The following GRM8 variants were observed in gnomAD, a reference collection of about 807,000 sequenced individuals.
GRM8 encodes glutamate metabotropic receptor 8.
In GRM8, 47 loss-of-function variants were observed where a neutral mutation model predicts 87.2. That is an observed-to-expected ratio of 0.54 (90% confidence interval 0.43 to 0.69). The LOEUF is 0.69. GRM8 is among the 30% of genes least tolerant of loss of function. The pLI is 0.00. For missense variants in GRM8, 1,019 were observed against 1,139.2 expected (o/e 0.89, Z 1.52); for synonymous variants, 396 against 404.5 (o/e 0.98, Z 0.25).
chr7:127,015,058 GAA>G (rs1815362313), intron 3 of GRM8, among the ~76,000 whole-genome samples: 2 of 108,372 alleles, frequency 1.8e-5, no homozygotes, highest in Non-Finnish European at 4.2e-5. Flanking sequence ...AGAAGAAGAA[GAA>G]GAAGAAGAAA....
chr7:126,614,853 T>G (rs1799290404), intron 7 of GRM8, among the ~76,000 whole-genome samples: 3 of 152,144 alleles, frequency 2.0e-5, no homozygotes, highest in Admixed American at 2.0e-4. Context: ...GAACAAAGCC[T>G]CTAAGAAATA....
chr7:126,760,649 G>A (rs1817495340), intron 7 of GRM8, among the ~76,000 whole-genome samples: 1 of 152,038 alleles, frequency 6.6e-6, no homozygotes, highest in African/African-American at 2.4e-5. Flanking sequence ...CAGTAATATT[G>A]ATTATATAGC....
At chr7:126,931,892 G>A (rs1266026482) in intron 3 of GRM8, among the ~76,000 whole-genome samples, 2 of 152,164 alleles carry the variant, frequency 1.3e-5, no homozygotes, top group Non-Finnish European at 2.9e-5. Flanking sequence ...GTTGCTTTGA[G>A]AGCATCACAC....
intron 3 of GRM8, among the ~76,000 whole-genome samples, chr7:127,001,704 G>A (rs1813742841): frequency 6.6e-6 from 1 of 151,358 alleles, no homozygotes; most frequent in Non-Finnish European, 1.5e-5. Context: ...ACAATTCCAA[G>A]AGTAATAATC....
In GRM8 at chr7:126,533,543, G is replaced by A. The variant is rs766635867; in HGVS notation, c.1839C>T (p.Ile613=). Residue 613 remains isoleucine (I), a synonymous_variant, in exon 9 of 11, where the codon ATC becomes ATT. Transcript: ENST00000339582. Reference sequence around the variant, plus strand: ...TAAGTTCGCGTCCTGAAGCCCTCACGATAGGTGTGTCATTATAGCGGACAA... The same window carrying A: ...TAAGTTCGCGTCCTGAAGCCCTCACAATAGGTGTGTCATTATAGCGGACAA... ...VTFVRYNDTP[I]VRASGRELSY... 1.1e-5 allele frequency: 17 copies of A among 1,614,074 alleles called. No homozygotes were observed. In the South Asian group the frequency reaches 1.1e-4, roughly 10 times the overall value.
chr7:126,774,594 A>G (rs1819216565), intron 6 of GRM8, among the ~76,000 whole-genome samples: 1 of 152,152 alleles, frequency 6.6e-6, no homozygotes, highest in African/African-American at 2.4e-5. Context: ...AATGAAATCT[A>G]AATCTTGTGA....
At chr7:127,025,823 A>G (rs1451020992) in intron 3 of GRM8, among the ~76,000 whole-genome samples, 5 of 151,978 alleles carry the variant, frequency 3.3e-5, no homozygotes, top group African/African-American at 1.2e-4. Context: ...AGCTACTTTA[A>G]TTTAACAATT....
At chr7:126,763,671 A>ATGTCTATTCTGGTATTAG (rs1366859790) in intron 7 of GRM8, among the ~76,000 whole-genome samples, 19 of 151,892 alleles carry the variant, frequency 1.3e-4, no homozygotes, top group South Asian at 2.1e-4. Context: ...GTAGTTTAAC[A>ATGTCTATTCTGGTATTAG]TTATGCTTAA....
chr7:127,043,213 C>G (rs1465875314), intron 3 of GRM8, among the ~76,000 whole-genome samples: 1 of 152,178 alleles, frequency 6.6e-6, no homozygotes, highest in East Asian at 1.9e-4. Flanking sequence ...GTGGTGATTC[C>G]TCAGGGATCT....
intron 10 of GRM8, among the ~76,000 whole-genome samples, chr7:126,440,778 G>T (rs947994303): frequency 6.6e-6 from 1 of 151,990 alleles, no homozygotes; most frequent in Non-Finnish European, 1.5e-5. Context: ...TTTGCGCAAA[G>T]ACAAAATTGC....
At chr7:126,822,141 T>C (rs1794351472) in intron 6 of GRM8, among the ~76,000 whole-genome samples, 1 of 152,296 alleles carries the variant, frequency 6.6e-6, no homozygotes, top group Non-Finnish European at 1.5e-5. Context: ...GGAAAGTGTT[T>C]TGTAAGAATT....
intron 9 of GRM8, among the ~76,000 whole-genome samples, chr7:126,504,846 C>G (rs1000143782): frequency 6.6e-6 from 1 of 152,000 alleles, no homozygotes; most frequent in African/African-American, 2.4e-5. Flanking sequence ...CCAAATTTTA[C>G]AACAGTGCTC....
intron 2 of GRM8, among the ~76,000 whole-genome samples, chr7:127,227,366 T>C (rs902550546): frequency 3.3e-5 from 5 of 152,228 alleles, no homozygotes; most frequent in Non-Finnish European, 7.3e-5. Flanking sequence ...AATAATATCA[T>C]ACACACCCTG....
Position 127,015,061 on chromosome 7 carries a change from GAAGAA to G in GRM8, c.727+91430_727+91434del, listed in dbSNP as rs1563413427. Among the ~76,000 whole-genome samples, 12 of 98,408 alleles carry G rather than the reference GAAGAA, an allele frequency of 1.2e-4. 1 individual carries two copies. The highest frequency in any genetic ancestry group is 4.1e-4 in the African/African-American group (12 of 29,308). The allele number at this position is 98,408 out of a possible 152,430, so 64.6% of individuals were successfully genotyped here. On this transcript the variant is annotated intron_variant, in intron 3 of 10. Transcript: ENST00000339582. The stretch of plus-strand genomic sequence containing the variant: ...AGAAGAAGAAGAAGAAGAAGAAGAA[GAAGAA>G]GAAAGAAAGAAGGAGAAGAAGGAGA...
At chr7:126,742,378 G>A (rs1210747665) in intron 7 of GRM8, among the ~76,000 whole-genome samples, 1 of 152,034 alleles carries the variant, frequency 6.6e-6, no homozygotes, top group African/African-American at 2.4e-5. Flanking sequence ...AAGGCAGCTT[G>A]AAGGCAAGTT....
intron 3 of GRM8, among the ~76,000 whole-genome samples, chr7:126,990,335 A>G (rs77084767): frequency 1.7e-5 from 2 of 114,738 alleles, no homozygotes; most frequent in African/African-American, 1.1e-4. Flanking sequence ...TTTCATGATT[A>G]AAAAAAAAAA....
intron 2 of GRM8, among the ~76,000 whole-genome samples, chr7:127,120,712 T>C (rs1358955532): frequency 1.3e-5 from 2 of 152,222 alleles, no homozygotes; most frequent in Admixed American, 1.3e-4. Context: ...GTTGTCATCA[T>C]GAGGAGATAT....
intron 3 of GRM8, among the ~76,000 whole-genome samples, chr7:126,997,861 G>A (rs1038788893): frequency 1.3e-5 from 2 of 151,704 alleles, no homozygotes; most frequent in African/African-American, 4.8e-5. Context: ...GACATGTAAA[G>A]AACTAATACC....
intron 8 of GRM8, among the ~76,000 whole-genome samples, chr7:126,601,293 G>A (rs895133130): frequency 1.3e-5 from 2 of 151,986 alleles, no homozygotes; most frequent in African/African-American, 2.4e-5. Context: ...AGTATTCCGT[G>A]GTGTATATGC....
Sources: allele counts gnomAD v4.1 joint callset (sites outside exome capture counted in the v4.1 genomes callset), GRCh38; gene constraint gnomAD v4.1.1; transcripts MANE v1.5; gene names NCBI Gene and HGNC (gene_info 2026-07-23, HGNC 2026-07-21).